The following KCTD1 variants were observed in gnomAD, a reference collection of about 807,000 sequenced individuals.
The protein encoded by KCTD1 is potassium channel tetramerization domain containing 1, also known as BTB/POZ domain-containing protein KCTD1.
Under a neutral mutation model 66.0 loss-of-function variants are expected in KCTD1, and 24 were observed. That is an observed-to-expected ratio of 0.36 (90% CI 0.26 to 0.51). The LOEUF is 0.51. KCTD1 is among the 20% of genes least tolerant of loss of function. KCTD1 has a pLI of 0.95. For synonymous variants in KCTD1, 511 were observed against 517.2 expected (o/e 0.99, Z 0.16); for missense variants, 943 against 1,205.2 (o/e 0.78, Z 3.22).
At chr18:26,541,258 T>C (rs1984960919) in intron 1 of KCTD1, among the ~76,000 whole-genome samples, 1 of 152,090 alleles carries the variant, frequency 6.6e-6, no homozygotes, top group Non-Finnish European at 1.5e-5. Context: ...ATGGAGAGGG[T>C]CTTCAGAGAA....
Position 26,607,623 on chromosome 18 carries a change from C to A in KCTD1, c.-16+21524G>T, listed in dbSNP as rs1383643725. On this transcript the variant is annotated intron_variant, in intron 1 of 4. Transcript: ENST00000317932. ...ACTCACCCAAATTTCAGTCACTGAT[C>A]ACATATTGGAGGATGTGTTTATACC... Among the ~76,000 whole-genome samples, 7 of 152,300 alleles carry A rather than the reference C, an allele frequency of 4.6e-5. No homozygotes were observed. The East Asian group carries it at 1.4e-3, about 29-fold the overall frequency.
chr18:26,600,336 T>G, intron 1 of KCTD1: 10 of 1,466,874 alleles, frequency 6.8e-6, no homozygotes, highest in Non-Finnish European at 8.6e-6. Context: ...ATCTTCATGA[T>G]GCCTAGGAAG....
chr18:26,472,094 G>A (rs1376622797), intron 3 of KCTD1, among the ~76,000 whole-genome samples: 2 of 152,154 alleles, frequency 1.3e-5, no homozygotes, highest in Non-Finnish European at 1.5e-5. Context: ...AGGATACAAA[G>A]GAAGAGGAGC....
intron 1 of KCTD1, chr18:26,599,656 C>T (rs1435335573): frequency 4.7e-6 from 7 of 1,473,872 alleles, no homozygotes; most frequent in Non-Finnish European, 6.7e-6. Flanking sequence ...CTGAAATCAC[C>T]CAGATCCTTC....
intron 1 of KCTD1, among the ~76,000 whole-genome samples, chr18:26,595,110 C>T (rs1986736646): frequency 6.6e-6 from 1 of 152,082 alleles, no homozygotes; most frequent in South Asian, 2.1e-4. Flanking sequence ...AGACCCTTTT[C>T]CTCGATGTAT....
At position 26,455,773 on chromosome 18, in the gene KCTD1, GA is replaced by G; in HGVS notation, c.2567del (p.Val856AlafsTer4). ...CCAGAGGCTCTTGCTTTATCCGGAT[GA>G]CGGAGGGTACACGGGGCGTCCGCCT... Reference protein sequence around the residue: ...ELRRTPRVPSVIRIKQEPLD With the variant: ...ELRRTPRVPSXIRIKQEPLD On this transcript the variant is annotated frameshift_variant, in exon 5 of 5. Coordinates refer to ENST00000580059, the MANE Select transcript of KCTD1 (RefSeq NM_001142730.3). LOFTEE classifies it high-confidence loss of function. 6.2e-7 allele frequency: 1 copy of G among 1,614,134 alleles called. No homozygotes were observed. Among genetic ancestry groups the G allele is most frequent in the Non-Finnish European group, 8.5e-7 (1 of 1,180,018 alleles).
chr18:26,537,993 T>A (rs1984789267), intron 1 of KCTD1, among the ~76,000 whole-genome samples: 1 of 152,202 alleles, frequency 6.6e-6, no homozygotes, highest in Non-Finnish European at 1.5e-5. Flanking sequence ...ATGCCTGTAA[T>A]CCCAGCACTT....
intron 1 of KCTD1, among the ~76,000 whole-genome samples, chr18:26,541,377 A>C (rs1335098360): frequency 1.3e-5 from 2 of 152,196 alleles, no homozygotes; most frequent in Non-Finnish European, 1.5e-5. Context: ...AAGAAAACGC[A>C]GACACTTTTC....
chr18:26,481,946 C>G (rs370288330), intron 2 of KCTD1, among the ~76,000 whole-genome samples: 1 of 152,172 alleles, frequency 6.6e-6, no homozygotes, highest in African/African-American at 2.4e-5. Context: ...GGAGGCAAGT[C>G]AACATCAATT....
Position 26,546,450 on chromosome 18 carries a change from T to C in KCTD1, c.1809+278A>G, listed in dbSNP as rs541685307. On this transcript the variant is annotated intron_variant, in intron 1 of 4. Transcript: ENST00000580059. Reference sequence around the variant, plus strand: ...ATTCAATGAAGAGCGGCTGCAAGAGTGAGCTAATCCTTTTGTTCGGCGAAC... The same window carrying C: ...ATTCAATGAAGAGCGGCTGCAAGAGCGAGCTAATCCTTTTGTTCGGCGAAC... Among the ~76,000 whole-genome samples the C allele has an allele frequency of 2.6e-5, 4 of 152,152 alleles. No individual in the cohort carries two copies. The South Asian group carries it at 8.3e-4, about 32-fold the overall frequency.
intron 1 of KCTD1, among the ~76,000 whole-genome samples, chr18:26,553,715 C>T (rs1213544141): frequency 6.6e-6 from 1 of 151,858 alleles, no homozygotes. Context: ...GCACAAAACA[C>T]TTAACACATT....
At chr18:26,499,498 T>C (rs1240478359) in intron 2 of KCTD1, among the ~76,000 whole-genome samples, 4 of 152,172 alleles carry the variant, frequency 2.6e-5, no homozygotes, top group Admixed American at 1.3e-4. Context: ...ATTGAACAAA[T>C]GGAAACCTAT....
At chr18:26,599,548 C>T (rs1986842050) in intron 1 of KCTD1, 1 of 1,522,952 alleles carries the variant, frequency 6.6e-7, no homozygotes, top group South Asian at 1.1e-5. Context: ...AAAACATGAA[C>T]CAGCTGTTGC....
At chr18:26,624,600 C>A (rs1184598559) in intron 1 of KCTD1, among the ~76,000 whole-genome samples, 3 of 152,242 alleles carry the variant, frequency 2.0e-5, no homozygotes, top group Non-Finnish European at 4.4e-5. Flanking sequence ...ACCTAGATTT[C>A]AGAGGACATA....
upstream of KCTD1, among the ~76,000 whole-genome samples, chr18:26,550,449 C>T (rs1016425310): frequency 6.6e-6 from 1 of 152,082 alleles, no homozygotes; most frequent in African/African-American, 2.4e-5. This position sits in a 1 kb window ranked among gnomAD's most constrained non-coding sequence, Gnocchi z 5.4. Context: ...CGCGTGCCTG[C>T]CCGGCCCTGG....
intron 1 of KCTD1, chr18:26,599,939 C>A: frequency 4.4e-6 from 7 of 1,593,246 alleles, no homozygotes; most frequent in Non-Finnish European, 6.0e-6. Context: ...TTTTCCATCA[C>A]CAAGAAGTCT....
chr18:26,470,649 T>C (rs955291577), intron 3 of KCTD1, among the ~76,000 whole-genome samples: 1 of 152,250 alleles, frequency 6.6e-6, no homozygotes, highest in African/African-American at 2.4e-5. Flanking sequence ...CCGCTGTTAA[T>C]TGGCTGTTCC....
At chr18:26,558,657 C>T (rs1032775412) in intron 1 of KCTD1, among the ~76,000 whole-genome samples, 15 of 152,340 alleles carry the variant, frequency 9.8e-5, no homozygotes, top group Middle Eastern at 3.4e-3. Flanking sequence ...GGTGCAGTGG[C>T]TCAAGCCTGT....
chr18:26,602,057 T>C (rs926007869), intron 1 of KCTD1, among the ~76,000 whole-genome samples: 11 of 152,242 alleles, frequency 7.2e-5, no homozygotes, highest in Admixed American at 7.2e-4. Context: ...ACAGACATTC[T>C]TCTTGTGTTA....
Sources: gnomAD v4.1 joint callset for allele counts (sites outside exome capture counted in the v4.1 genomes callset) on GRCh38, gnomAD v4.1.1 for gene constraint, Gnocchi (gnomAD v3.1) non-coding constraint, MANE v1.5 for transcripts, NCBI Gene and HGNC (gene_info 2026-07-23, HGNC 2026-07-21) for gene names.